The following ARMH3 variants were observed in gnomAD, a reference collection of about 807,000 sequenced individuals.
ARMH3 encodes armadillo-like helical domain-containing protein 3.
In ARMH3, 60 loss-of-function variants were observed where a neutral mutation model predicts 99.1. The ratio of observed to expected loss-of-function variants is 0.61; its 90% CI spans 0.49 to 0.75. The LOEUF is 0.75. Among genes scored for constraint, ARMH3 ranks in the 30% least tolerant of loss-of-function variants. ARMH3 has a pLI of 0.00. For synonymous variants in ARMH3, 285 were observed against 292.8 expected (o/e 0.97, Z 0.27); for missense variants, 679 against 843.1 (o/e 0.81, Z 2.41).
intron 18 of ARMH3, among the ~76,000 whole-genome samples, chr10:101,991,537 C>G (rs536309712): frequency 6.6e-6 from 1 of 152,164 alleles, no homozygotes; most frequent in African/African-American, 2.4e-5. Context: ...CACGCCAACA[C>G]GACCAGCTAA....
intron 13 of ARMH3, 61 bp from the exon 14 acceptor site, chr10:102,006,694 T>G: frequency 6.7e-7 from 1 of 1,490,136 alleles, no homozygotes; most frequent in Non-Finnish European, 9.3e-7. Context: ...GAGTATCAAG[T>G]GCCTAATACC....
At position 101,847,531 on chromosome 10, in the gene ARMH3, G is replaced by A; in HGVS notation, c.2067C>T (p.Ser689=). The A allele has an allele frequency of 6.2e-7, 1 of 1,614,050 alleles. No homozygotes were observed. Among genetic ancestry groups the A allele is most frequent in the Admixed American group, 1.7e-5 (1 of 60,028 alleles). The change falls in exon 26 of 26, where the codon TCC becomes TCT. Residue 689 remains serine, a synonymous_variant. Transcript: ENST00000370033. ...GGCTGCTCAGGTAGGCGTGGCCTCA[G>A]GAGATAGTGGAGAACTCCTTGAGCA... ...EVLLKEFSTI[S] is the part of the protein sequence containing the mutation.
chr10:101,930,404 C>G (rs551150801), intron 23 of ARMH3, among the ~76,000 whole-genome samples: 2 of 151,854 alleles, frequency 1.3e-5, no homozygotes, highest in South Asian at 4.2e-4. Flanking sequence ...TAGGTTGGTG[C>G]AAAAGTAATA....
chr10:101,978,422 G>A (rs1012267724), intron 19 of ARMH3, among the ~76,000 whole-genome samples: 30 of 152,286 alleles, frequency 2.0e-4, no homozygotes, highest in African/African-American at 6.7e-4. Flanking sequence ...AACCACTTTG[G>A]AAAAGTCTGG....
intron 5 of ARMH3, among the ~76,000 whole-genome samples, chr10:102,026,660 T>C (rs1456187675): frequency 3.3e-5 from 5 of 152,210 alleles, no homozygotes. Flanking sequence ...AGTGGTGAGA[T>C]ATAAGCCTGG....
At chr10:102,037,606 C>T (rs931294146) in intron 2 of ARMH3, among the ~76,000 whole-genome samples, 1 of 152,130 alleles carries the variant, frequency 6.6e-6, no homozygotes, top group Non-Finnish European at 1.5e-5. Context: ...CAAGTTCTCA[C>T]TCTGTCACCC....
In ARMH3 at chr10:101,963,378, G is replaced by A. The variant is rs189668034; in HGVS notation, c.1496-5646C>T. ...CATCTCCTGACCTCGTGATCCGGTC[G>A]CCTTGGACTCGGCCTCCCAAAGTGC... On this transcript the variant is annotated intron_variant, in intron 20 of 25. Transcript: ENST00000370033. 3.5e-4 allele frequency among the ~76,000 whole-genome samples: 53 copies of A among 151,836 alleles called. No individual in the cohort carries two copies. The East Asian group carries it at 7.2e-3, about 21-fold the overall frequency.
chr10:101,924,035 G>A (rs1434475501), intron 23 of ARMH3, among the ~76,000 whole-genome samples: 1 of 152,266 alleles, frequency 6.6e-6, no homozygotes, highest in East Asian at 1.9e-4. Context: ...ATCAGTAGCA[G>A]AGTCAGGAAT....
At chr10:101,915,948 C>G (rs1044068175) in intron 23 of ARMH3, among the ~76,000 whole-genome samples, 1 of 151,974 alleles carries the variant, frequency 6.6e-6, no homozygotes, top group Admixed American at 6.6e-5. Context: ...GAACTACAGG[C>G]GCCCACCACG....
At chr10:101,875,377 C>T (rs2067236251) in intron 24 of ARMH3, among the ~76,000 whole-genome samples, 1 of 151,460 alleles carries the variant, frequency 6.6e-6, no homozygotes, top group South Asian at 2.1e-4. Context: ...CTCCAGGGTA[C>T]AAACACTCAA....
chr10:102,033,914 T>C (rs1024746393), intron 2 of ARMH3, among the ~76,000 whole-genome samples: 4 of 152,162 alleles, frequency 2.6e-5, no homozygotes, highest in East Asian at 1.9e-4. Context: ...GAAATGAACA[T>C]AAACATCAGA....
At chr10:101,905,309 C>T (rs2068077084) in intron 23 of ARMH3, among the ~76,000 whole-genome samples, 1 of 152,144 alleles carries the variant, frequency 6.6e-6, no homozygotes. Context: ...CAACACTTAT[C>T]GTAACATATT....
chr10:101,944,177 A>G (rs2135734945), intron 22 of ARMH3, among the ~76,000 whole-genome samples: 1 of 144,638 alleles, frequency 6.9e-6, no homozygotes, highest in Middle Eastern at 3.5e-3. Flanking sequence ...CCCACGGCTA[A>G]GCACAGTGGC....
At chr10:101,847,937 T>C (rs770105895) in intron 25 of ARMH3, among the ~76,000 whole-genome samples, 27 of 152,278 alleles carry the variant, frequency 1.8e-4, no homozygotes, top group Non-Finnish European at 3.5e-4. Flanking sequence ...GCTTTGGCTA[T>C]GCAGAAGGGG....
chr10:101,966,545 C>T (rs1845553337), intron 20 of ARMH3, among the ~76,000 whole-genome samples: 1 of 151,942 alleles, frequency 6.6e-6, no homozygotes, highest in African/African-American at 2.4e-5. Flanking sequence ...TGAGCCCCTG[C>T]GCCCAGCCCA....
At chr10:101,863,592 C>T (rs1019100798) in intron 24 of ARMH3, among the ~76,000 whole-genome samples, 5 of 151,934 alleles carry the variant, frequency 3.3e-5, no homozygotes, top group African/African-American at 1.2e-4. Context: ...AGATTTGGAA[C>T]AATTTGAAAA....
intron 24 of ARMH3, among the ~76,000 whole-genome samples, chr10:101,873,178 C>T (rs575631806): frequency 7.4e-5 from 11 of 149,020 alleles, no homozygotes; most frequent in African/African-American, 2.5e-4. Context: ...CCGAGGTGGG[C>T]GGATCATGAG....
intron 17 of ARMH3, among the ~76,000 whole-genome samples, chr10:101,992,762 G>A (rs1337598498): frequency 6.6e-6 from 1 of 151,798 alleles, no homozygotes; most frequent in Non-Finnish European, 1.5e-5. Flanking sequence ...AAAGTGTTGG[G>A]ATTACAGGTA....
intron 19 of ARMH3, among the ~76,000 whole-genome samples, chr10:101,989,850 G>C (rs1846692975): frequency 6.6e-6 from 1 of 152,248 alleles, no homozygotes; most frequent in Non-Finnish European, 1.5e-5. Flanking sequence ...TAGGCTGTCA[G>C]GACAATGTAG....
Sources: gnomAD v4.1 joint callset for allele counts (sites outside exome capture counted in the v4.1 genomes callset) on GRCh38, gnomAD v4.1.1 for gene constraint, MANE v1.5 for transcripts, NCBI Gene and HGNC (gene_info 2026-07-23, HGNC 2026-07-21) for gene names.